Variants in NAPG observed in about 807,000 individuals in gnomAD.
NAPG encodes the protein gamma-soluble NSF attachment protein.
NAPG carries 25 observed loss-of-function variants against 48.4 expected under a neutral mutation model. That is an observed-to-expected ratio of 0.52 (90% CI 0.38 to 0.72). The LOEUF is 0.72. Among genes scored for constraint, NAPG ranks in the 30% least tolerant of loss-of-function variants. The probability of loss-of-function intolerance (pLI) is 0.00; values close to 1 mark genes in which losing one functional copy is unlikely to be tolerated. For synonymous variants in NAPG, 139 were observed against 127.2 expected, an observed-to-expected ratio of 1.09 and a Z score of -0.62; for missense variants, 359 against 372.5, an observed-to-expected ratio of 0.96 and a Z score of 0.30.
At chr18:10,536,470 A>G (rs1291349675) in intron 5 of NAPG, among the ~76,000 whole-genome samples, 1 of 152,180 alleles carries the variant, frequency 6.6e-6, no homozygotes, top group Non-Finnish European at 1.5e-5. Flanking sequence ...TGGTTCTGTC[A>G]CTTGATGACT....
At chr18:10,531,688 G>T (rs1036526283) in intron 2 of NAPG, among the ~76,000 whole-genome samples, 3 of 152,208 alleles carry the variant, frequency 2.0e-5, no homozygotes, top group African/African-American at 7.2e-5. Flanking sequence ...TTCAAACTTT[G>T]TATGAATTTT....
chr18:10,548,246 T>C lies in NAPG; in HGVS notation c.586-53T>C, dbSNP rs1185438602. 12 of 1,352,752 alleles carry C rather than the reference T, an allele frequency of 8.9e-6. No individual in the cohort carries two copies. The highest frequency in any genetic ancestry group is 3.4e-5 in the Admixed American group (2 of 59,226). The allele number at this position is 1,352,752 out of a possible 1,614,324, so 83.8% of individuals were successfully genotyped here. On this transcript the variant is annotated intron_variant, in intron 9 of 11. Coordinates refer to ENST00000322897, the MANE Select transcript of NAPG (RefSeq NM_003826.3). This position sits in a 1 kb window ranked among gnomAD's most constrained non-coding sequence, Gnocchi z 4.4. ...AGGTGTTTTCAATACTGCCAGGTTA[T>C]TGACTTTATTAAACAGATGTAAATT...
At chr18:10,532,105 C>T (rs758170842) in intron 2 of NAPG, among the ~76,000 whole-genome samples, 7 of 152,154 alleles carry the variant, frequency 4.6e-5, no homozygotes, top group Non-Finnish European at 8.8e-5. Flanking sequence ...GTTATAAGCA[C>T]TCCTGTTTTG....
Position 10,539,876 on chromosome 18 carries a change from G to A in NAPG, c.368+5G>A, listed in dbSNP as rs772897682. ...GGCTTTGGAGCGAGCTGGAAAGTGA[G>A]TGTGAGATGGACAAGTCTCTGCATA... On this transcript the variant is annotated splice_donor_5th_base_variant and intron_variant, in intron 6 of 11. Transcript: ENST00000322897. This position sits in a 1 kb window ranked among gnomAD's most constrained non-coding sequence, Gnocchi z 4.7. 5.0e-6 allele frequency: 8 copies of A among 1,613,614 alleles called. No individual in the cohort carries two copies. Among genetic ancestry groups the A allele is most frequent in the East Asian group, 2.2e-5 (1 of 44,894 alleles).
At chr18:10,532,091 A>G (rs538188) in intron 2 of NAPG, among the ~76,000 whole-genome samples, 50,790 of 152,068 alleles carry the variant, frequency 0.33, 8,586 homozygotes, top group East Asian at 0.43. Context: ...TTGTAAGATC[A>G]TATGTTATAA....
chr18:10,526,287 A>C lies in NAPG; in HGVS notation c.56+129A>C, dbSNP rs12962763. On this transcript the variant is annotated intron_variant, in intron 1 of 11. Transcript: ENST00000322897. ...GGGGCCTCGGCGCGCTGGTGCCCGC[A>C]GGGCTGCCGGGGCTCGGTGTCCTCT... 7.2e-6 allele frequency: 5 copies of C among 695,990 alleles called. No homozygotes were observed. The African/African-American group carries it at 9.1e-5, about 13-fold the overall frequency. The allele number at this position is 695,990 out of a possible 1,614,324, so 43.1% of individuals were successfully genotyped here.
At chr18:10,549,835 T>C (rs1342796274) in intron 11 of NAPG, among the ~76,000 whole-genome samples, 1 of 152,100 alleles carries the variant, frequency 6.6e-6, no homozygotes, top group African/African-American at 2.4e-5. Context: ...TTTGAAAATA[T>C]ATATATTTCT....
At chr18:10,526,970 A>T (rs2031827921) in intron 1 of NAPG, among the ~76,000 whole-genome samples, 1 of 152,012 alleles carries the variant, frequency 6.6e-6, no homozygotes, top group Admixed American at 6.5e-5. Flanking sequence ...CGGGCGGATC[A>T]CAAGGTCAGA....
In NAPG at chr18:10,539,740, C is replaced by T; in HGVS notation, c.259-22C>T. On this transcript the variant is annotated intron_variant, in intron 5 of 11. Transcript: ENST00000322897. This position sits in a 1 kb window ranked among gnomAD's most constrained non-coding sequence, Gnocchi z 4.7. ...TTAATTGATGCATTTGCTGACCTGT[C>T]TACTGTATCCTTTGCCCAAAGGAGA... The T allele has an allele frequency of 6.3e-7, 1 of 1,581,322 alleles. No homozygotes were observed.
chr18:10,530,898 A>C, intron 2 of NAPG, 61 bp downstream of exon 2: 1 of 1,275,614 alleles, frequency 7.8e-7, no homozygotes. Context: ...TGATAACTTC[A>C]TTTCACCATA....
rs2031972844 is a variant in NAPG, at chr18:10,533,541, T to C, written c.215T>C (p.Phe72Ser). The C allele has an allele frequency of 1.9e-6, 3 of 1,600,736 alleles. No homozygotes were observed. Among genetic ancestry groups the C allele is most frequent in the African/African-American group, 1.3e-5 (1 of 74,402 alleles). The change falls in exon 4 of 12, where the codon TTT (phenylalanine) becomes TCT (serine). Residue 72 changes from phenylalanine (F) to serine (S), a missense_variant. Transcript: ENST00000322897. Reference sequence around the variant, plus strand: ...ACTTCGTTACTTCCATTCAGTCTTTTTCATGCTGCCAAGTAAGTATTCTTC... The same window carrying C: ...ACTTCGTTACTTCCATTCAGTCTTTCTCATGCTGCCAAGTAAGTATTCTTC... ...AVAHENNRAL[F>S]HAAKAYEQAG...
rs563140919 is a variant in NAPG, at chr18:10,539,668, TTAAAA to T, written c.259-88_259-84del. ...ACATTCTGCACATGTGTCCCAGAACTTAAAATAAAAAATAATTGCATTTCAGATTG... is the reference window on the plus strand; with the variant it reads ...ACATTCTGCACATGTGTCCCAGAACTTAAAAAATAATTGCATTTCAGATTG... On this transcript the variant is annotated intron_variant, in intron 5 of 11. Coordinates refer to ENST00000322897, the MANE Select transcript of NAPG (RefSeq NM_003826.3). The surrounding 1 kb of genome is among the most constrained non-coding windows in gnomAD (Gnocchi z 4.7). 2.9e-4 allele frequency: 306 copies of T among 1,047,970 alleles called. 2 individuals are homozygous for T. The African/African-American group carries it at 3.7e-3, about 13-fold the overall frequency. The allele number at this position is 1,047,970 out of a possible 1,614,324, so 64.9% of individuals were successfully genotyped here.
intron 8 of NAPG, among the ~76,000 whole-genome samples, chr18:10,541,396 C>T (rs1487731706): frequency 2.0e-5 from 3 of 152,128 alleles, no homozygotes; most frequent in Non-Finnish European, 4.4e-5. Flanking sequence ...ACTTACTCGT[C>T]GCTTCCCAGA....
intron 7 of NAPG, 34 bp downstream of exon 7, chr18:10,540,088 T>C (rs1220722879): frequency 2.7e-6 from 4 of 1,459,364 alleles, no homozygotes; most frequent in Non-Finnish European, 3.7e-6. Context: ...CTTTAATTAC[T>C]TAGAATGTTT....
chr18:10,526,250 G>GGGGGGGGCTTGGC, intron 1 of NAPG, 92 bp downstream of exon 1: 1 of 686,664 alleles, frequency 1.5e-6, no homozygotes. Flanking sequence ...GGGAGGGAGG[G>GGGGGGGGCTTGGC]CTCAGGGCTG....
In NAPG at chr18:10,544,030, A is replaced by G. The variant is rs551898553; in HGVS notation, c.507-2296A>G. Among the ~76,000 whole-genome samples the G allele has an allele frequency of 2.2e-4, 34 of 152,386 alleles. No homozygotes were observed. Among genetic ancestry groups the G allele is most frequent in the African/African-American group, 7.5e-4 (31 of 41,594 alleles). ...AAGAATGCACCCTTTATAGTTAAAT[A>G]TATGAAAAGTTTAAAATACTGAGAT... On this transcript the variant is annotated intron_variant, in intron 8 of 11. Transcript: ENST00000322897. This position sits in a 1 kb window ranked among gnomAD's most constrained non-coding sequence, Gnocchi z 5.1.
Position 10,531,554 on chromosome 18 carries a change from A to G in NAPG, c.124+717A>G, listed in dbSNP as rs533401937. 2.0e-5 allele frequency among the ~76,000 whole-genome samples: 3 copies of G among 152,362 alleles called. No homozygotes were observed. The East Asian group carries it at 5.8e-4, about 29-fold the overall frequency. ...CATTTGTTAGCCTAGCATAGAGATC[A>G]TCTGGGGCAAGTGCTTTTGGTTAAA... is the stretch of plus-strand genomic sequence containing the variant. On this transcript the variant is annotated intron_variant, in intron 2 of 11. Coordinates refer to ENST00000322897, the MANE Select transcript of NAPG (RefSeq NM_003826.3).
rs903630021 is a variant in NAPG, at chr18:10,546,481, G to C, written c.585+77G>C. On this transcript the variant is annotated intron_variant, in intron 9 of 11. Coordinates refer to ENST00000322897, the MANE Select transcript of NAPG (RefSeq NM_003826.3). This position sits in a 1 kb window ranked among gnomAD's most constrained non-coding sequence, Gnocchi z 4.0. ...CTGGTATGAATAAGTACTTAAGAAA[G>C]GATTCTATGGGTATTTCTATGTTTT... is the stretch of plus-strand genomic sequence containing the variant. 9 of 758,204 alleles carry C rather than the reference G, an allele frequency of 1.2e-5. No individual in the cohort carries two copies. In the Admixed American group the frequency reaches 1.3e-4, roughly 11 times the overall value. The allele number at this position is 758,204 out of a possible 1,614,324, so 47.0% of individuals were successfully genotyped here. A position where few individuals can be genotyped will look rare whatever the true frequency, so the allele number is the denominator to read the frequency against.
At position 10,546,220 on chromosome 18, in the gene NAPG, T is replaced by C. The variant is rs1422694371; in HGVS notation, c.507-106T>C. The C allele has an allele frequency of 1.7e-6, 1 of 590,172 alleles. No individual in the cohort carries two copies. Among genetic ancestry groups the C allele is most frequent in the Non-Finnish European group, 2.8e-6 (1 of 361,118 alleles). 36.6% of individuals were successfully genotyped at this position (590,172 alleles called of 1,614,324 possible). A position where few individuals can be genotyped will look rare whatever the true frequency, so the allele number is the denominator to read the frequency against. On this transcript the variant is annotated intron_variant, in intron 8 of 11. Coordinates refer to ENST00000322897, the MANE Select transcript of NAPG (RefSeq NM_003826.3). The surrounding 1 kb of genome is among the most constrained non-coding windows in gnomAD (Gnocchi z 4.0). ...CTGGGGCAGCTGCTAATAATACCTG[T>C]CCTCCTGGTGTCTCTACAATCTATG...
Sources: allele counts gnomAD v4.1 joint callset (sites outside exome capture counted in the v4.1 genomes callset), GRCh38; gene constraint gnomAD v4.1.1; non-coding constraint Gnocchi (gnomAD v3.1); transcripts MANE v1.5; gene names NCBI Gene and HGNC (gene_info 2026-07-23, HGNC 2026-07-21).